The following LRP1B variants were observed in gnomAD, a reference collection of about 807,000 sequenced individuals.
The protein encoded by LRP1B is low-density lipoprotein receptor-related protein 1B.
A neutral mutation model predicts 556.6 loss-of-function variants in LRP1B; 217 were observed. The observed-to-expected ratio is 0.39, with a 90% CI of 0.35 to 0.44. The LOEUF is 0.44. Among genes scored for constraint, LRP1B ranks in the 20% least tolerant of loss-of-function variants. The pLI, the probability that LRP1B is intolerant of heterozygous loss-of-function variation, is 1.00. For synonymous variants in LRP1B, 2,047 were observed against 1,865.8 expected, an observed-to-expected ratio of 1.10 and a Z score of -2.50; for missense variants, 5,053 against 5,620.8, an observed-to-expected ratio of 0.90 and a Z score of 3.23.
At chr2:142,098,559 T>C (rs1259140933) in intron 1 of LRP1B, among the ~76,000 whole-genome samples, 3 of 151,766 alleles carry the variant, frequency 2.0e-5, no homozygotes, top group Non-Finnish European at 4.4e-5. Flanking sequence ...TTTTCAATTT[T>C]AGGACTTCAT....
chr2:141,644,146 C>A (rs1294100215), intron 2 of LRP1B, among the ~76,000 whole-genome samples: 1 of 151,750 alleles, frequency 6.6e-6, no homozygotes. Flanking sequence ...GATAGTTTTC[C>A]TCTCTATTAG....
chr2:140,623,403 A>G (rs559092426), intron 41 of LRP1B, among the ~76,000 whole-genome samples: 7 of 152,104 alleles, frequency 4.6e-5, no homozygotes. Context: ...AAAAGATATA[A>G]TTTTTTCTCC....
chr2:141,583,906 A>ATTTTTTTTTTT lies in LRP1B; in HGVS notation c.206-103384_206-103374dup, dbSNP rs113916906. Among the ~76,000 whole-genome samples, 57 of 145,520 alleles carry ATTTTTTTTTTT rather than the reference A, an allele frequency of 3.9e-4. 1 individual carries two copies. The highest frequency in any genetic ancestry group is 1.4e-3 in the African/African-American group (57 of 39,630). ...AGCCATGCACCACCATGCCCGGCTA[A>ATTTTTTTTTTT]TTTTTTTTTTTTTAGTAGCGATGGG... On this transcript the variant is annotated intron_variant, in intron 2 of 90. Coordinates refer to ENST00000389484, the MANE Select transcript of LRP1B (RefSeq NM_018557.3).
In LRP1B at chr2:140,596,591, T is replaced by C. The variant is rs192578346; in HGVS notation, c.7194+2040A>G. 2.6e-5 allele frequency among the ~76,000 whole-genome samples: 4 copies of C among 152,312 alleles called. No homozygotes were observed. The East Asian group carries it at 7.7e-4, about 29-fold the overall frequency. ...GTTTATGGGTAACATATTAAAGATA[T>C]GTGAGGAAGAAGGAGAGAACAAATG... is the stretch of plus-strand genomic sequence containing the variant. On this transcript the variant is annotated intron_variant, in intron 43 of 90. Transcript: ENST00000389484.
At chr2:140,586,329 C>T (rs1397530669) in intron 43 of LRP1B, among the ~76,000 whole-genome samples, 1 of 151,988 alleles carries the variant, frequency 6.6e-6, no homozygotes, top group Non-Finnish European at 1.5e-5. Context: ...GCAACATACA[C>T]AGAAAAAATA....
At chr2:140,595,092 A>ATCTATCTATCTATC (rs1385323966) in intron 43 of LRP1B, among the ~76,000 whole-genome samples, 1 of 14,406 alleles carries the variant, frequency 6.9e-5, no homozygotes, top group African/African-American at 2.3e-4. Flanking sequence ...AATTGAATAT[A>ATCTATCTATCTATC]TATATATATA....
At chr2:140,490,419 T>C (rs1688650168) in intron 57 of LRP1B, among the ~76,000 whole-genome samples, 1 of 152,152 alleles carries the variant, frequency 6.6e-6, no homozygotes, top group Non-Finnish European at 1.5e-5. Context: ...TATAATTTTA[T>C]GCAATAAAAC....
intron 1 of LRP1B, among the ~76,000 whole-genome samples, chr2:141,959,595 T>C (rs1319934665): frequency 6.6e-6 from 1 of 151,976 alleles, no homozygotes; most frequent in Non-Finnish European, 1.5e-5. Flanking sequence ...TAGATAACTT[T>C]ACATTTTCTG....
intron 3 of LRP1B, among the ~76,000 whole-genome samples, chr2:141,264,926 C>T (rs900128750): frequency 6.6e-6 from 1 of 152,160 alleles, no homozygotes; most frequent in Non-Finnish European, 1.5e-5. Context: ...GAAGAGCTGT[C>T]TTGGAGGCAG....
intron 7 of LRP1B, among the ~76,000 whole-genome samples, chr2:141,064,847 T>C (rs1483570193): frequency 6.6e-6 from 1 of 151,946 alleles, no homozygotes; most frequent in South Asian, 2.1e-4. Flanking sequence ...AATTCAACTA[T>C]GTCATTTGTA....
intron 3 of LRP1B, among the ~76,000 whole-genome samples, chr2:141,426,144 G>A (rs916922073): frequency 5.9e-4 from 89 of 152,114 alleles, no homozygotes; most frequent in African/African-American, 2.0e-3. Flanking sequence ...CATATGGCTA[G>A]CCAGTTTTCC....
chr2:142,018,113 T>C (rs1703211337), intron 1 of LRP1B, among the ~76,000 whole-genome samples: 1 of 152,220 alleles, frequency 6.6e-6, no homozygotes, highest in African/African-American at 2.4e-5. Context: ...AAATAGTTAA[T>C]GTCCTTTATG....
At chr2:141,760,033 G>A (rs918074834) in intron 2 of LRP1B, among the ~76,000 whole-genome samples, 2 of 152,118 alleles carry the variant, frequency 1.3e-5, no homozygotes, top group Admixed American at 1.3e-4. Flanking sequence ...GGAGGCTGAG[G>A]CAGGAGAACC....
intron 35 of LRP1B, among the ~76,000 whole-genome samples, chr2:140,750,075 C>G (rs975262789): frequency 1.8e-5 from 2 of 109,222 alleles, no homozygotes; most frequent in Admixed American, 1.0e-4. Flanking sequence ...ATACTGTGCA[C>G]ACGTACACAC....
chr2:141,232,523 C>T (rs12621538), intron 5 of LRP1B, among the ~76,000 whole-genome samples: 8 of 152,182 alleles, frequency 5.3e-5, no homozygotes, highest in African/African-American at 1.9e-4. Context: ...TAAAGGAGCG[C>T]TGAGATTCCC....
intron 7 of LRP1B, among the ~76,000 whole-genome samples, chr2:141,160,077 G>C (rs1251793585): frequency 6.6e-6 from 1 of 151,974 alleles, no homozygotes; most frequent in African/African-American, 2.4e-5. Context: ...TAACAAACCT[G>C]CATGTTCTGC....
At chr2:141,202,379 A>C (rs1160690408) in intron 6 of LRP1B, among the ~76,000 whole-genome samples, 1 of 152,180 alleles carries the variant, frequency 6.6e-6, no homozygotes, top group Non-Finnish European at 1.5e-5. Flanking sequence ...ATTAACATAC[A>C]CGTGCATGTG....
intron 86 of LRP1B, among the ~76,000 whole-genome samples, chr2:140,248,275 TAAAC>T (rs1681255182): frequency 6.6e-6 from 1 of 151,648 alleles, no homozygotes; most frequent in Admixed American, 6.6e-5. Context: ...AGTCAAATAA[TAAAC>T]ATGAAAATAT....
chr2:140,835,538 A>T (rs951549451), intron 31 of LRP1B, among the ~76,000 whole-genome samples: 15 of 151,658 alleles, frequency 9.9e-5, no homozygotes, highest in Non-Finnish European at 2.2e-4. Flanking sequence ...TTTTATTTTT[A>T]TTTATTTATT....
Sources: gnomAD v4.1 joint callset for allele counts (sites outside exome capture counted in the v4.1 genomes callset) on GRCh38, gnomAD v4.1.1 for gene constraint, MANE v1.5 for transcripts, NCBI Gene and HGNC (gene_info 2026-07-23, HGNC 2026-07-21) for gene names.